Variants in PRDM15 observed in about 807,000 individuals in gnomAD.
PRDM15 encodes PR domain zinc finger protein 15.
Under a neutral mutation model 128.6 loss-of-function variants are expected in PRDM15, and 64 were observed. That is an observed-to-expected ratio of 0.50 (90% CI 0.41 to 0.61). The LOEUF is 0.61. PRDM15 is among the 20% of genes least tolerant of loss of function. The probability of loss-of-function intolerance (pLI) is 0.00; values close to 1 mark genes in which losing one functional copy is unlikely to be tolerated. For missense variants in PRDM15, 1,242 were observed against 1,569.1 expected, an observed-to-expected ratio of 0.79 and a Z score of 3.52; for synonymous variants, 615 against 621.8, an observed-to-expected ratio of 0.99 and a Z score of 0.16.
At chr21:41,857,781 A>G (rs907768920) in intron 3 of PRDM15, among the ~76,000 whole-genome samples, 7 of 152,212 alleles carry the variant, frequency 4.6e-5, no homozygotes, top group Non-Finnish European at 1.0e-4. Context: ...AAAAAACAAC[A>G]GAAGCCTTCC....
intron 11 of PRDM15, among the ~76,000 whole-genome samples, chr21:41,829,035 G>C (rs1469258797): frequency 2.5e-4 from 28 of 112,414 alleles, no homozygotes; most frequent in Admixed American, 9.7e-5. Flanking sequence ...ACACACACAC[G>C]CCCCACCCAA....
chr21:41,867,057 C>T (rs1200981242), intron 1 of PRDM15, among the ~76,000 whole-genome samples: 1 of 152,210 alleles, frequency 6.6e-6, no homozygotes, highest in Non-Finnish European at 1.5e-5. Context: ...CCTCCCCAGA[C>T]AGGGCTAAGG....
Position 41,799,750 on chromosome 21 carries a change from G to A in PRDM15, c.*1490C>T, listed in dbSNP as rs907259393. ...CTCAGCCATGCCAGTGTTTCCTCAA[G>A]ATGGACTCCCAGTGAGTGCAGGATC... On this transcript the variant is annotated 3_prime_UTR_variant, in exon 24 of 24. Coordinates refer to ENST00000398548, the MANE Select transcript of PRDM15 (RefSeq NM_001040424.3). 2.0e-5 allele frequency: 3 copies of A among 152,626 alleles called. No individual in the cohort carries two copies. Among genetic ancestry groups the A allele is most frequent in the Non-Finnish European group, 4.4e-5 (3 of 68,056 alleles). The allele number at this position is 152,626 out of a possible 1,614,324, so 9.5% of individuals were successfully genotyped here.
intron 4 of PRDM15, among the ~76,000 whole-genome samples, chr21:41,856,653 T>C (rs1372801219): frequency 6.6e-6 from 1 of 152,142 alleles, no homozygotes; most frequent in Non-Finnish European, 1.5e-5. Context: ...TTTACATACA[T>C]CTTAGTTTTC....
At position 41,821,786 on chromosome 21, in the gene PRDM15, G is replaced by A. The variant is rs894655843; in HGVS notation, c.1896+117C>T. 1.5e-6 allele frequency: 2 copies of A among 1,297,078 alleles called. No homozygotes were observed. Among genetic ancestry groups the A allele is most frequent in the African/African-American group, 2.9e-5 (2 of 68,834 alleles). 80.3% of individuals were successfully genotyped at this position (1,297,078 alleles called of 1,614,324 possible). A position where few individuals can be genotyped will look rare whatever the true frequency, so the allele number is the denominator to read the frequency against. ...GTAGGACCACTGGCCGGAGCCTTTG[G>A]GGAGGGAGGGCTGCTTCCGAGATGC... On this transcript the variant is annotated intron_variant, in intron 15 of 23. Coordinates refer to ENST00000398548, the MANE Select transcript of PRDM15 (RefSeq NM_001040424.3). This position sits in a 1 kb window ranked among gnomAD's most constrained non-coding sequence, Gnocchi z 5.4.
At chr21:41,815,942 T>C (rs1367821905) in intron 18 of PRDM15, 106 bp from the exon 19 acceptor site, 21 of 1,432,532 alleles carry the variant, frequency 1.5e-5, no homozygotes, top group African/African-American at 2.8e-5. Flanking sequence ...CGTGCGGTAC[T>C]GGTGAGGGTG....
At position 41,811,108 on chromosome 21, in the gene PRDM15, A is replaced by G; in HGVS notation, c.2393-272T>C. 2 of 446,064 alleles carry G rather than the reference A, an allele frequency of 4.5e-6. No homozygotes were observed. Among genetic ancestry groups the G allele is most frequent in the Non-Finnish European group, 4.1e-6 (1 of 243,418 alleles). 27.6% of individuals were successfully genotyped at this position (446,064 alleles called of 1,614,324 possible). On this transcript the variant is annotated intron_variant, in intron 19 of 23. Coordinates refer to ENST00000398548, the MANE Select transcript of PRDM15 (RefSeq NM_001040424.3). This position sits in a 1 kb window ranked among gnomAD's most constrained non-coding sequence, Gnocchi z 4.1. The stretch of plus-strand genomic sequence containing the variant: ...AACACAGACAGAAAGTGGAACCCAC[A>G]TGTGGACAAGCAGAAAAACGATAGG...
rs2063755404 is a variant in PRDM15, at chr21:41,859,835, T to C, written c.38-150A>G. On this transcript the variant is annotated intron_variant, in intron 2 of 23. Coordinates refer to ENST00000398548, the MANE Select transcript of PRDM15 (RefSeq NM_001040424.3). The surrounding 1 kb of genome is among the most constrained non-coding windows in gnomAD (Gnocchi z 5.3). ...CACTGCAAAGACAAGCAAGGGAGGG[T>C]GCATTGGATGGCAGAAGGCCTGTGT... is the stretch of plus-strand genomic sequence containing the variant. The C allele has an allele frequency of 2.9e-6, 2 of 694,068 alleles. No homozygotes were observed. Among genetic ancestry groups the C allele is most frequent in the African/African-American group, 1.8e-5 (1 of 54,802 alleles). The allele number at this position is 694,068 out of a possible 1,614,324, so 43.0% of individuals were successfully genotyped here.
intron 1 of PRDM15, among the ~76,000 whole-genome samples, chr21:41,864,380 C>T (rs1397044229): frequency 6.6e-6 from 1 of 152,116 alleles, no homozygotes; most frequent in Non-Finnish European, 1.5e-5. Context: ...CTAGGGCAAG[C>T]CACAGTTTTT....
intron 9 of PRDM15, 124 bp from the exon 10 acceptor site, chr21:41,836,331 A>AT: frequency 7.9e-7 from 1 of 1,267,860 alleles, no homozygotes; most frequent in Non-Finnish European, 1.1e-6. Flanking sequence ...TGCAGAGATG[A>AT]TCGCCCACAA....
intron 10 of PRDM15, among the ~76,000 whole-genome samples, chr21:41,835,776 C>T (rs1219011095): frequency 1.3e-5 from 2 of 152,198 alleles, no homozygotes; most frequent in African/African-American, 4.8e-5. Context: ...CTTCCTGCTG[C>T]GCTTGTGGGC....
rs760986641 is a variant in PRDM15, at chr21:41,801,586, A to G, written c.3080T>C (p.Leu1027Pro). ...TNLQPVAVGH[L>P]TTPERQLQLD... ...CTGTAACTGGCGTTCAGGGGTGGTA[A>G]GGTGCCCCACGGCCACCGGCTGGAG... The change falls in exon 24 of 24, where the codon CTT (leucine) becomes CCT (proline). Residue 1027 changes from leucine (L) to proline (P), a missense_variant. Transcript: ENST00000398548. The G allele has an allele frequency of 6.0e-5, 97 of 1,614,044 alleles. No individual in the cohort carries two copies. The South Asian group carries it at 1.0e-3, about 17-fold the overall frequency.
At chr21:41,874,067 C>CG (rs1241557512) in intron 1 of PRDM15, among the ~76,000 whole-genome samples, 9 of 112,800 alleles carry the variant, frequency 8.0e-5, no homozygotes, top group Non-Finnish European at 1.3e-4. Context: ...GACTCTGTCT[C>CG]GGGAAAAAAA....
At chr21:41,815,982 C>T in intron 18 of PRDM15, 146 bp from the exon 19 acceptor site, 5 of 1,003,872 alleles carry the variant, frequency 5.0e-6, no homozygotes, top group Non-Finnish European at 5.7e-6. Context: ...CCCGGTCAGT[C>T]CACCAGCGGT....
At chr21:41,868,405 GAC>G (rs2064090218) in intron 1 of PRDM15, among the ~76,000 whole-genome samples, 1 of 152,134 alleles carries the variant, frequency 6.6e-6, no homozygotes, top group Non-Finnish European at 1.5e-5. Flanking sequence ...TGAATAAACT[GAC>G]AGGCTGTTTT....
chr21:41,835,967 C>CCACAGCCCT (rs1431589324), intron 10 of PRDM15, 146 bp downstream of exon 10: 1 of 102,854 alleles, frequency 9.7e-6, no homozygotes, highest in African/African-American at 7.0e-5. Context: ...CCCACAGCCC[C>CCACAGCCCT]CGCCCACTCT....
intron 1 of PRDM15, chr21:41,861,983 C>T: frequency 1.9e-6 from 3 of 1,613,452 alleles, no homozygotes; most frequent in Non-Finnish European, 2.5e-6. Flanking sequence ...TTCATAGCCG[C>T]ATTCGGCCTT....
Position 41,801,534 on chromosome 21 carries a change from G to A in PRDM15, c.3132C>T (p.Thr1044=). Residue 1044 remains threonine (T), a synonymous_variant, in exon 24 of 24, where the codon ACC becomes ACT. Coordinates refer to ENST00000398548, the MANE Select transcript of PRDM15 (RefSeq NM_001040424.3). ...LQLDNSILTV[T]FDTVSGSAML... Reference sequence around the variant, plus strand: ...TGGCAGAGCCGCTGACGGTATCAAAGGTCACGGTCAGGATTGAGTTGTCCA... The same window carrying A: ...TGGCAGAGCCGCTGACGGTATCAAAAGTCACGGTCAGGATTGAGTTGTCCA... 1 of 1,614,226 alleles carries A rather than the reference G, an allele frequency of 6.2e-7. No individual in the cohort carries two copies. The highest frequency in any genetic ancestry group is 8.5e-7 in the Non-Finnish European group (1 of 1,180,034).
chr21:41,838,822 C>T (rs546111203), intron 7 of PRDM15, among the ~76,000 whole-genome samples: 1 of 152,318 alleles, frequency 6.6e-6, no homozygotes, highest in South Asian at 2.1e-4. Flanking sequence ...GCTGCTCTTC[C>T]CAATTGTCTC....
Sources: allele counts gnomAD v4.1 joint callset (sites outside exome capture counted in the v4.1 genomes callset), GRCh38; gene constraint gnomAD v4.1.1; non-coding constraint Gnocchi (gnomAD v3.1); transcripts MANE v1.5; gene names NCBI Gene and HGNC (gene_info 2026-07-23, HGNC 2026-07-21).